Variants in RNF182 observed in about 807,000 individuals in gnomAD.
RNF182 encodes E3 ubiquitin-protein ligase RNF182.
Under a neutral mutation model 14.4 loss-of-function variants are expected in RNF182, and 15 were observed. The observed-to-expected ratio is 1.04, with a 90% CI of 0.70 to 1.60. The LOEUF is 1.60. RNF182 is among the 40% of genes most tolerant of loss of function. RNF182 has a pLI of 0.00. For synonymous variants in RNF182, 128 were observed against 122.9 expected (o/e 1.04, Z -0.27); for missense variants, 268 against 294.8 (o/e 0.91, Z 0.67).
At chr6:13,937,736 G>A (rs1759171160) in intron 1 of RNF182, among the ~76,000 whole-genome samples, 1 of 152,062 alleles carries the variant, frequency 6.6e-6, no homozygotes, top group African/African-American at 2.4e-5. Context: ...TCAAACATTT[G>A]CCAAACAGTT....
intron 1 of RNF182, among the ~76,000 whole-genome samples, chr6:13,964,262 A>G (rs1221118602): frequency 1.3e-5 from 2 of 152,166 alleles, no homozygotes; most frequent in Non-Finnish European, 2.9e-5. Context: ...GATATAGAGG[A>G]AGTAAAAAAT....
chr6:13,972,801 G>A (rs900867133), intron 1 of RNF182, among the ~76,000 whole-genome samples: 6 of 152,214 alleles, frequency 3.9e-5, no homozygotes, highest in Admixed American at 1.3e-4. Flanking sequence ...TGCTGCAGGG[G>A]TGGGGCCCTC....
At chr6:13,958,597 T>G (rs116640478) in intron 1 of RNF182, among the ~76,000 whole-genome samples, 2,613 of 152,276 alleles carry the variant, frequency 0.017, 82 homozygotes, top group African/African-American at 0.06. Context: ...TGTGCTAGCT[T>G]ATGATAGGTG....
At chr6:13,969,637 A>G (rs1206372121) in intron 1 of RNF182, among the ~76,000 whole-genome samples, 1 of 152,214 alleles carries the variant, frequency 6.6e-6, no homozygotes, top group African/African-American at 2.4e-5. Flanking sequence ...CCATCAAGGG[A>G]ATTAAGTAGC....
At chr6:13,956,979 A>C (rs765700373) in intron 1 of RNF182, among the ~76,000 whole-genome samples, 62 of 152,002 alleles carry the variant, frequency 4.1e-4, no homozygotes, top group Non-Finnish European at 7.5e-4. Context: ...TCACTAGTAA[A>C]TCACCTGTCC....
intron 1 of RNF182, among the ~76,000 whole-genome samples, chr6:13,931,715 T>C (rs1758974885): frequency 6.6e-6 from 1 of 152,062 alleles, no homozygotes; most frequent in South Asian, 2.1e-4. Flanking sequence ...ATACTGCCTC[T>C]GCCACCTTTT....
chr6:13,926,947 C>G (rs1007267918), intron 1 of RNF182, among the ~76,000 whole-genome samples: 1 of 152,208 alleles, frequency 6.6e-6, no homozygotes, highest in African/African-American at 2.4e-5. Flanking sequence ...GGCCCTTAAT[C>G]TGAGTGCTGA....
chr6:13,945,013 C>A (rs1759402897), intron 1 of RNF182, among the ~76,000 whole-genome samples: 1 of 152,134 alleles, frequency 6.6e-6, no homozygotes, highest in Non-Finnish European at 1.5e-5. Context: ...GGAGTGAGAA[C>A]ATAAGAGTGT....
At chr6:13,968,317 A>T (rs1165554905) in intron 1 of RNF182, among the ~76,000 whole-genome samples, 1 of 152,180 alleles carries the variant, frequency 6.6e-6, no homozygotes, top group Non-Finnish European at 1.5e-5. Context: ...GAAAACCCAG[A>T]AGAAATGGAT....
intron 1 of RNF182, among the ~76,000 whole-genome samples, chr6:13,936,323 G>C (rs750573378): frequency 6.6e-6 from 1 of 152,226 alleles, no homozygotes; most frequent in Non-Finnish European, 1.5e-5. Flanking sequence ...TGATGGAAGA[G>C]TTAGAAATCC....
chr6:13,965,868 A>G (rs1760011755), intron 1 of RNF182, among the ~76,000 whole-genome samples: 1 of 152,208 alleles, frequency 6.6e-6, no homozygotes, highest in African/African-American at 2.4e-5. Flanking sequence ...CAGGGCAGAA[A>G]TGTAACAATG....
At chr6:13,934,353 A>T (rs573264560) in intron 1 of RNF182, among the ~76,000 whole-genome samples, 1 of 152,304 alleles carries the variant, frequency 6.6e-6, no homozygotes, top group East Asian at 1.9e-4. Flanking sequence ...CGTGCCCACC[A>T]GTGTTTGAGA....
At chr6:13,948,220 G>T (rs895554283) in intron 1 of RNF182, among the ~76,000 whole-genome samples, 2 of 152,078 alleles carry the variant, frequency 1.3e-5, no homozygotes, top group African/African-American at 4.8e-5. Context: ...TCAAAGCTGT[G>T]AAAGTCCTGC....
rs147333829 is a variant in RNF182 at position 13,948,603 on chromosome 6, T to G, written c.-367+23580T>G. On this transcript the variant is annotated intron_variant, in intron 1 of 2. Transcript: ENST00000488300. ...TTATTGGACTTCAGGGGACCTAATA[T>G]CTAAAAGGATTATCAAGTCAGGAAA... Among the ~76,000 whole-genome samples the G allele has an allele frequency of 9.5e-3, 1,446 of 152,288 alleles. 35 individuals are homozygous for G. Among genetic ancestry groups the G allele is most frequent in the African/African-American group, 0.033 (1,352 of 41,556 alleles).
chr6:13,963,427 A>G (rs1420367980), intron 1 of RNF182, among the ~76,000 whole-genome samples: 2 of 152,210 alleles, frequency 1.3e-5, no homozygotes, highest in African/African-American at 4.8e-5. Context: ...GGCTGGAAAC[A>G]ACAGCCATTT....
chr6:13,952,931 G>A (rs1412028398), intron 1 of RNF182, among the ~76,000 whole-genome samples: 1 of 152,124 alleles, frequency 6.6e-6, no homozygotes, highest in Admixed American at 6.5e-5. Flanking sequence ...TTGTGACAAA[G>A]GACTGTTAAT....
intron 1 of RNF182, among the ~76,000 whole-genome samples, chr6:13,954,477 G>A (rs1759679457): frequency 6.6e-6 from 1 of 152,190 alleles, no homozygotes; most frequent in South Asian, 2.1e-4. Context: ...GCCACATGCT[G>A]CCAGGACAGC....
Position 13,949,514 on chromosome 6 carries a change from A to G in RNF182, c.-367+24491A>G, listed in dbSNP as rs1166649024. On this transcript the variant is annotated intron_variant, in intron 1 of 2. Transcript: ENST00000488300. ...AAAATTACGGAAAAAGACACTTGCA[A>G]GAAAAAAGCAATTGAGGGAATCTGT... 5.5e-6 allele frequency: 3 copies of G among 546,568 alleles called. No homozygotes were observed. The East Asian group carries it at 1.0e-4, about 19-fold the overall frequency. 33.9% of individuals were successfully genotyped at this position (546,568 alleles called of 1,614,324 possible). A position where few individuals can be genotyped will look rare whatever the true frequency, so the allele number is the denominator to read the frequency against.
At chr6:13,937,040 T>C (rs1759128117) in intron 1 of RNF182, among the ~76,000 whole-genome samples, 1 of 152,152 alleles carries the variant, frequency 6.6e-6, no homozygotes, top group African/African-American at 2.4e-5. Context: ...GAGTAAATGA[T>C]CAGATTTGAG....
Sources: gnomAD v4.1 joint callset for allele counts (sites outside exome capture counted in the v4.1 genomes callset) on GRCh38, gnomAD v4.1.1 for gene constraint, MANE v1.5 for transcripts, NCBI Gene and HGNC (gene_info 2026-07-23, HGNC 2026-07-21) for gene names.